MAP2K2: variants seen among roughly 807,000 people sequenced by gnomAD.
MAP2K2 encodes the protein dual specificity mitogen-activated protein kinase kinase 2.
A neutral mutation model predicts 43.7 loss-of-function variants in MAP2K2; 24 were observed. That is an observed-to-expected ratio of 0.55 (90% CI 0.40 to 0.77). The LOEUF is 0.77. MAP2K2 is among the 30% of genes least tolerant of loss of function. The pLI, the probability that MAP2K2 is intolerant of heterozygous loss-of-function variation, is 0.00. For synonymous variants in MAP2K2, 244 were observed against 239.7 expected (o/e 1.02, Z -0.17); for missense variants, 470 against 566.8 (o/e 0.83, Z 1.73).
intron 1 of MAP2K2, 24 bp from the exon 2 acceptor site, chr19:4,117,653 G>T: frequency 6.2e-7 from 1 of 1,607,944 alleles, no homozygotes. Context: ...CCAGGGTAGG[G>T]GTTAGCTACC....
rs371373956 is a variant in MAP2K2, at chr19:4,123,742, C to A, written c.92+42G>T. 4.5e-4 allele frequency: 668 copies of A among 1,468,384 alleles called. 4 individuals are homozygous for A. In the African/African-American group the frequency reaches 9.1e-3, roughly 20 times the overall value. The allele number at this position is 1,468,384 out of a possible 1,614,324, so 91.0% of individuals were successfully genotyped here. A position where few individuals can be genotyped will look rare whatever the true frequency, so the allele number is the denominator to read the frequency against. On this transcript the variant is annotated intron_variant, in intron 1 of 10. Coordinates refer to ENST00000262948, the MANE Select transcript of MAP2K2 (RefSeq NM_030662.4). ...CCCGTCCTTCCCCGAGGGCTCCCTG[C>A]CCCGTGCACCCCAAGCCTCCGGCTG...
Position 4,108,309 on chromosome 19 carries a change from C to G in MAP2K2, c.450+2200G>C, listed in dbSNP as rs994891387. Among the ~76,000 whole-genome samples, 6 of 152,248 alleles carry G rather than the reference C, an allele frequency of 3.9e-5. No homozygotes were observed. In the East Asian group the frequency reaches 1.2e-3, roughly 29 times the overall value. On this transcript the variant is annotated intron_variant, in intron 3 of 10. Transcript: ENST00000262948. Reference sequence around the variant, plus strand: ...AGGCTGGAGTGCAGTGGCACGATCTCAGCTCACTGAAAGCTCTGCCTCCAG... The same window carrying G: ...AGGCTGGAGTGCAGTGGCACGATCTGAGCTCACTGAAAGCTCTGCCTCCAG...
intron 6 of MAP2K2, chr19:4,099,682 G>C (rs2040973392): frequency 2.0e-6 from 1 of 509,774 alleles, no homozygotes; most frequent in African/African-American, 1.9e-5. Flanking sequence ...TTTGGGAATG[G>C]ATGATGGGCC....
intron 3 of MAP2K2, among the ~76,000 whole-genome samples, chr19:4,109,848 G>A (rs771393874): frequency 6.6e-5 from 10 of 152,134 alleles, no homozygotes; most frequent in Non-Finnish European, 1.5e-4. Context: ...CCTCACAGGT[G>A]TGCCTGCGAG....
chr19:4,122,664 G>C, intron 1 of MAP2K2, among the ~76,000 whole-genome samples: 1 of 148,622 alleles, frequency 6.7e-6, no homozygotes, highest in African/African-American at 2.5e-5. Context: ...TCACGACTTA[G>C]GGATTCCAAA....
intron 3 of MAP2K2, among the ~76,000 whole-genome samples, chr19:4,107,763 T>C (rs533635106): frequency 1.3e-5 from 2 of 151,364 alleles, no homozygotes; most frequent in South Asian, 2.1e-4. Context: ...GACATAGAAA[T>C]ATGAGGAAAC....
intron 2 of MAP2K2, among the ~76,000 whole-genome samples, chr19:4,111,244 TGA>T (rs2145071503): frequency 6.6e-6 from 1 of 152,292 alleles, no homozygotes; most frequent in South Asian, 2.1e-4. Context: ...TACAATCCAC[TGA>T]GTCACATACT....
At chr19:4,097,484 C>T (rs1386543765) in intron 7 of MAP2K2, 141 bp from the exon 8 acceptor site, 3 of 677,496 alleles carry the variant, frequency 4.4e-6, no homozygotes, top group East Asian at 5.4e-5. Context: ...TGCAGAGGCA[C>T]TGGACAAAGC....
chr19:4,093,402 T>A (rs1197176237), intron 10 of MAP2K2, among the ~76,000 whole-genome samples: 4 of 151,436 alleles, frequency 2.6e-5, no homozygotes, highest in South Asian at 2.1e-4. Context: ...ATCTCAAAAA[T>A]TTTTTTGACC....
intron 9 of MAP2K2, chr19:4,094,792 T>C (rs2040892495): frequency 4.0e-6 from 2 of 494,124 alleles, no homozygotes; most frequent in Admixed American, 3.3e-5. Flanking sequence ...CCCAGCTAAC[T>C]GTCTAATAAA....
At chr19:4,102,020 C>A (rs553763513) in intron 4 of MAP2K2, among the ~76,000 whole-genome samples, 1 of 152,098 alleles carries the variant, frequency 6.6e-6, no homozygotes, top group South Asian at 2.1e-4. Context: ...GAGGTCCTGG[C>A]GTCCCACATC....
intron 8 of MAP2K2, among the ~76,000 whole-genome samples, chr19:4,096,723 G>A (rs1044457586): frequency 2.6e-5 from 4 of 152,190 alleles, no homozygotes; most frequent in Admixed American, 1.3e-4. Flanking sequence ...GCCCACGGGC[G>A]CCAGGACGCT....
At chr19:4,117,708 C>G (rs2041242351) in intron 1 of MAP2K2, 79 bp from the exon 2 acceptor site, 2 of 1,252,804 alleles carry the variant, frequency 1.6e-6, no homozygotes, top group Non-Finnish European at 2.3e-6. Flanking sequence ...CGTGGTGCAT[C>G]GGCCCCCAGG....
chr19:4,100,682 T>C (rs565315356), intron 6 of MAP2K2: 2 of 361,788 alleles, frequency 5.5e-6, no homozygotes, highest in South Asian at 7.2e-5. Context: ...AAATAAAAAA[T>C]AAAGAGCAAG....
chr19:4,105,568 G>A (rs1206956265), intron 3 of MAP2K2, among the ~76,000 whole-genome samples: 7 of 151,730 alleles, frequency 4.6e-5, no homozygotes, highest in Non-Finnish European at 8.8e-5. Context: ...CACCGCACCC[G>A]GCAAACACAT....
chr19:4,109,764 C>T lies in MAP2K2; in HGVS notation c.450+745G>A, dbSNP rs1171202806. Among the ~76,000 whole-genome samples the T allele has an allele frequency of 2.0e-5, 3 of 152,134 alleles. No individual in the cohort carries two copies. In the East Asian group the frequency reaches 5.8e-4, roughly 29 times the overall value. ...ATGGTAGGATTACAGGCATGAGCCACCGTGCCCGGCCTAATAGGGATCAGT... is the reference window on the plus strand; with the variant it reads ...ATGGTAGGATTACAGGCATGAGCCATCGTGCCCGGCCTAATAGGGATCAGT... On this transcript the variant is annotated intron_variant, in intron 3 of 10. Transcript: ENST00000262948.
At chr19:4,093,812 G>A (rs996609443) in intron 10 of MAP2K2, among the ~76,000 whole-genome samples, 4 of 152,146 alleles carry the variant, frequency 2.6e-5, no homozygotes, top group Non-Finnish European at 4.4e-5. Context: ...GTCTAGGGGG[G>A]TGGCATCTCC....
chr19:4,111,193 T>C (rs75392596), intron 2 of MAP2K2, among the ~76,000 whole-genome samples: 1 of 152,196 alleles, frequency 6.6e-6, no homozygotes, highest in African/African-American at 2.4e-5. Flanking sequence ...TGGAATACTG[T>C]AAAATTGACT....
intron 9 of MAP2K2, chr19:4,094,702 G>A: frequency 1.7e-6 from 1 of 596,796 alleles, no homozygotes; most frequent in Non-Finnish European, 3.0e-6. Flanking sequence ...GGTGCCAGGG[G>A]CAGGACACCC....
Sources: allele counts gnomAD v4.1 joint callset (sites outside exome capture counted in the v4.1 genomes callset), GRCh38; gene constraint gnomAD v4.1.1; transcripts MANE v1.5; gene names NCBI Gene and HGNC (gene_info 2026-07-23, HGNC 2026-07-21).